The following CNTN5 variants were observed in gnomAD, a reference collection of about 807,000 sequenced individuals.
CNTN5 encodes contactin 5, also known as contactin-5.
CNTN5 carries 77 observed loss-of-function variants against 129.1 expected under a neutral mutation model. The observed-to-expected ratio is 0.60, with a 90% CI of 0.50 to 0.72. The LOEUF (loss-of-function observed/expected upper bound fraction) is 0.72. CNTN5 is among the 30% of genes least tolerant of loss of function. The probability of loss-of-function intolerance (pLI) is 0.00; values close to 1 mark genes in which losing one functional copy is unlikely to be tolerated. For synonymous variants in CNTN5, 509 were observed against 465.6 expected (o/e 1.09, Z -1.20); for missense variants, 1,478 against 1,328.8 (o/e 1.11, Z -1.75).
Position 99,819,615 on chromosome 11 carries a change from T to C in CNTN5, c.127T>C (p.Ser43Pro), listed in dbSNP as rs1281675414. The C allele has an allele frequency of 3.7e-6, 6 of 1,613,042 alleles. No homozygotes were observed. The highest frequency in any genetic ancestry group is 2.2e-5 in the South Asian group (2 of 91,086). The change falls in exon 4 of 25, where the codon TCA becomes CCA. Residue 43 changes from serine (S) to proline (P), a missense_variant. Ser to Pro is a moderately conservative substitution (Grantham distance 74). Coordinates refer to ENST00000524871, the MANE Select transcript of CNTN5 (RefSeq NM_014361.4). Reference protein sequence around the residue: ...ALLRIKKSSSSSLFGSKTRPR... With the variant: ...ALLRIKKSSSPSLFGSKTRPR... ...GTTAAGAATTAAGAAGAGTTCATCT[T>C]CATCTCTCTTTGGTTCCAAAACCAG...
At chr11:100,090,471 TTC>T (rs146899043) in intron 13 of CNTN5, among the ~76,000 whole-genome samples, 6 of 111,108 alleles carry the variant, frequency 5.4e-5, no homozygotes, top group African/African-American at 2.3e-4. Flanking sequence ...TTCTTTCTTT[TTC>T]TCTCTTTCCC....
chr11:100,223,135 A>G (rs1181489961), intron 15 of CNTN5, among the ~76,000 whole-genome samples: 10 of 152,116 alleles, frequency 6.6e-5, no homozygotes, highest in Non-Finnish European at 1.0e-4. Context: ...GCAGTGTAGG[A>G]CATTTACTGG....
intron 1 of CNTN5, among the ~76,000 whole-genome samples, chr11:99,031,631 T>C (rs1863377429): frequency 6.7e-6 from 1 of 150,354 alleles, no homozygotes; most frequent in South Asian, 2.1e-4. Flanking sequence ...CATGAGCTAT[T>C]TGAAAAAAAA....
chr11:100,121,810 T>C (rs1349333390), intron 13 of CNTN5, among the ~76,000 whole-genome samples: 1 of 151,692 alleles, frequency 6.6e-6, no homozygotes, highest in Non-Finnish European at 1.5e-5. Context: ...GTAAAAAACA[T>C]AGTAAGCAAA....
At chr11:99,223,200 C>T (rs918183756) in intron 1 of CNTN5, among the ~76,000 whole-genome samples, 2 of 152,118 alleles carry the variant, frequency 1.3e-5, no homozygotes, top group African/African-American at 4.8e-5. Flanking sequence ...TCTATCCTGT[C>T]CTACCTATCT....
intron 1 of CNTN5, among the ~76,000 whole-genome samples, chr11:99,181,458 T>A (rs1173217811): frequency 6.6e-6 from 1 of 152,130 alleles, no homozygotes; most frequent in Admixed American, 6.5e-5. Context: ...CATCCAGAAA[T>A]GTTAGCAGGG....
intron 3 of CNTN5, among the ~76,000 whole-genome samples, chr11:99,800,288 A>G (rs182275735): frequency 1.1e-4 from 17 of 152,034 alleles, no homozygotes; most frequent in African/African-American, 3.6e-4. Flanking sequence ...ATTGATTTCT[A>G]TTTTTATTCT....
At chr11:100,066,517 A>G (rs931821050) in intron 10 of CNTN5, among the ~76,000 whole-genome samples, 5 of 152,118 alleles carry the variant, frequency 3.3e-5, no homozygotes, top group African/African-American at 4.8e-5. Context: ...AGCATTTTAT[A>G]AAATGTAACC....
At chr11:100,349,484 C>G (rs1952357185) in intron 23 of CNTN5, among the ~76,000 whole-genome samples, 1 of 151,796 alleles carries the variant, frequency 6.6e-6, no homozygotes, top group Admixed American at 6.6e-5. Context: ...TCTCATTTTA[C>G]TCCCCTAAAA....
In CNTN5 at chr11:99,625,234, C is replaced by T. The variant is rs149852046; in HGVS notation, c.55+68965C>T. ...ATCCATTTCTTGTTTGGCTTTTCTA[C>T]TGAATGATGAGAATTAACTTTGTGG... is the stretch of plus-strand genomic sequence containing the variant. On this transcript the variant is annotated intron_variant, in intron 3 of 24. Transcript: ENST00000524871. Among the ~76,000 whole-genome samples the T allele has an allele frequency of 4.0e-3, 605 of 152,222 alleles. 17 individuals carry two copies. The highest frequency in any genetic ancestry group is 0.036 in the Admixed American group (555 of 15,290).
At chr11:99,910,860 A>C (rs753365144) in intron 6 of CNTN5, among the ~76,000 whole-genome samples, 3 of 152,120 alleles carry the variant, frequency 2.0e-5, no homozygotes, top group Non-Finnish European at 4.4e-5. Flanking sequence ...ATGGAATGCA[A>C]AAAAATTTAC....
intron 1 of CNTN5, among the ~76,000 whole-genome samples, chr11:99,043,492 C>T (rs773130759): frequency 6.6e-5 from 10 of 151,896 alleles, no homozygotes; most frequent in Non-Finnish European, 1.0e-4. Context: ...TATACTTAAC[C>T]GAATAACAGT....
At chr11:100,055,028 T>TAAA (rs137939088) in intron 9 of CNTN5, among the ~76,000 whole-genome samples, 68 of 91,632 alleles carry the variant, frequency 7.4e-4, no homozygotes, top group Admixed American at 9.3e-4. Flanking sequence ...AGCCGTAGCC[T>TAAA]AAAAAAAAAA....
At chr11:100,255,708 G>T in intron 16 of CNTN5, 52 bp from the exon 17 acceptor site, 1 of 1,493,794 alleles carries the variant, frequency 6.7e-7, no homozygotes. Context: ...AATTTCTCAT[G>T]GCTCCTGATA....
At chr11:100,294,011 C>T (rs1005156679) in intron 18 of CNTN5, among the ~76,000 whole-genome samples, 2 of 151,608 alleles carry the variant, frequency 1.3e-5, no homozygotes, top group Non-Finnish European at 3.0e-5. Flanking sequence ...TCTACCTTTG[C>T]TATATAAACT....
At chr11:99,141,079 C>G (rs927441867) in intron 1 of CNTN5, among the ~76,000 whole-genome samples, 5 of 152,088 alleles carry the variant, frequency 3.3e-5, no homozygotes, top group Admixed American at 3.3e-4. Context: ...AGTACTAGCT[C>G]TTTCTTATAC....
chr11:99,997,703 C>A (rs548535901), intron 8 of CNTN5, among the ~76,000 whole-genome samples: 8 of 152,004 alleles, frequency 5.3e-5, no homozygotes, highest in African/African-American at 1.4e-4. Flanking sequence ...ACACAACCAA[C>A]AAAGACAATT....
chr11:100,075,836 A>G (rs1591188268), intron 13 of CNTN5, among the ~76,000 whole-genome samples: 1 of 152,152 alleles, frequency 6.6e-6, no homozygotes, highest in East Asian at 1.9e-4. Context: ...CAGTAGAGAA[A>G]GAGGAGTTTG....
intron 2 of CNTN5, among the ~76,000 whole-genome samples, chr11:99,434,386 T>C (rs1014465005): frequency 6.6e-6 from 1 of 152,174 alleles, no homozygotes; most frequent in African/African-American, 2.4e-5. Flanking sequence ...TGACTTGAGA[T>C]TCGGAGGTTT....
Sources: allele counts gnomAD v4.1 joint callset (sites outside exome capture counted in the v4.1 genomes callset), GRCh38; gene constraint gnomAD v4.1.1; transcripts MANE v1.5; gene names NCBI Gene and HGNC (gene_info 2026-07-23, HGNC 2026-07-21).